CABCOCO1: variants seen among roughly 807,000 people sequenced by gnomAD.
CABCOCO1 encodes ciliary associated calcium binding coiled-coil 1.
CABCOCO1 carries 28 observed loss-of-function variants against 35.7 expected under a neutral mutation model. That is an observed-to-expected ratio of 0.78 (90% CI 0.58 to 1.07). The LOEUF is 1.07. Among genes scored for constraint, CABCOCO1 ranks in the 50% least tolerant of loss-of-function variants. CABCOCO1 has a pLI of 0.00. For missense variants in CABCOCO1, 326 were observed against 309.2 expected (o/e 1.05, Z -0.41); for synonymous variants, 95 against 100.1 (o/e 0.95, Z 0.30).
chr10:61,724,552 T>C (rs573076815), intron 5 of CABCOCO1, among the ~76,000 whole-genome samples: 6 of 152,320 alleles, frequency 3.9e-5, no homozygotes, highest in African/African-American at 1.4e-4. Context: ...CTCCCATATC[T>C]AAAACTTAGA....
chr10:61,729,926 G>A (rs899738239), intron 5 of CABCOCO1, among the ~76,000 whole-genome samples: 6 of 152,072 alleles, frequency 3.9e-5, no homozygotes, highest in Non-Finnish European at 8.8e-5. Flanking sequence ...AGCGGGGAGA[G>A]GAAAATGGGG....
intron 5 of CABCOCO1, among the ~76,000 whole-genome samples, chr10:61,701,316 A>C (rs1840452619): frequency 6.6e-6 from 1 of 152,146 alleles, no homozygotes; most frequent in Non-Finnish European, 1.5e-5. Context: ...ACATTATAAA[A>C]ATGTCTGTTT....
At chr10:61,688,727 C>G (rs1412172949) in intron 4 of CABCOCO1, among the ~76,000 whole-genome samples, 9 of 152,192 alleles carry the variant, frequency 5.9e-5, no homozygotes, top group Non-Finnish European at 1.3e-4. Context: ...TATTGCACTT[C>G]CAGGCATCAA....
Position 61,753,226 on chromosome 10 carries a change from G to A in CABCOCO1, c.553-6833G>A, listed in dbSNP as rs186523452. On this transcript the variant is annotated intron_variant, in intron 5 of 7. Transcript: ENST00000648843. ...TAAACACCTCAATTTTAAATAGAAC[G>A]CTCTAGAAGAAACTAACCAAAAATC... 1.1e-3 allele frequency among the ~76,000 whole-genome samples: 173 copies of A among 151,960 alleles called. 1 individual carries two copies. The highest frequency in any genetic ancestry group is 3.9e-3 in the African/African-American group (163 of 41,464).
At chr10:61,745,702 G>C (rs186752154) in intron 5 of CABCOCO1, among the ~76,000 whole-genome samples, 5 of 152,294 alleles carry the variant, frequency 3.3e-5, no homozygotes, top group African/African-American at 1.2e-4. Flanking sequence ...AAACACAAGA[G>C]ACTCTTCTTT....
chr10:61,704,245 A>C (rs1428011640), intron 5 of CABCOCO1, among the ~76,000 whole-genome samples: 4 of 152,156 alleles, frequency 2.6e-5, no homozygotes, highest in Non-Finnish European at 4.4e-5. Flanking sequence ...ATATATGCCC[A>C]AATTCTTCCA....
intron 3 of CABCOCO1, among the ~76,000 whole-genome samples, chr10:61,683,803 T>C (rs1564534206): frequency 6.6e-6 from 1 of 152,170 alleles, no homozygotes; most frequent in Non-Finnish European, 1.5e-5. Context: ...GTTAGATAAA[T>C]GAAATTATTA....
chr10:61,684,630 C>T (rs1052590649), intron 3 of CABCOCO1, among the ~76,000 whole-genome samples: 2 of 152,154 alleles, frequency 1.3e-5, no homozygotes, highest in Non-Finnish European at 2.9e-5. Context: ...CCCCCAGATC[C>T]CACATTCAGG....
intron 1 of CABCOCO1, among the ~76,000 whole-genome samples, chr10:61,668,100 A>G (rs779739974): frequency 1.3e-5 from 2 of 151,762 alleles, no homozygotes; most frequent in African/African-American, 2.4e-5. Flanking sequence ...TTATATATTT[A>G]AATAATCATA....
intron 5 of CABCOCO1, among the ~76,000 whole-genome samples, chr10:61,717,743 C>T (rs868460595): frequency 1.3e-5 from 2 of 152,078 alleles, no homozygotes; most frequent in Admixed American, 6.5e-5. Context: ...GGAATCACTT[C>T]GGAATATAAC....
At chr10:61,727,919 T>G (rs1252298426) in intron 5 of CABCOCO1, among the ~76,000 whole-genome samples, 1 of 152,192 alleles carries the variant, frequency 6.6e-6, no homozygotes, top group Non-Finnish European at 1.5e-5. Flanking sequence ...AGTATAATTA[T>G]GGAATATGTT....
At position 61,662,957 on chromosome 10, in the gene CABCOCO1, G is replaced by C. The variant is rs886244771; in HGVS notation, c.-16G>C. ...TAGGTGACGAGGGGCCGCTTCTCTC[G>C]GCCGAGATTGCGGCGATGTCGCAGG... is the stretch of plus-strand genomic sequence containing the variant. On this transcript the variant is annotated 5_prime_UTR_variant, in exon 1 of 8. Transcript: ENST00000648843. The C allele has an allele frequency of 7.1e-5, 28 of 393,392 alleles. No homozygotes were observed. Among genetic ancestry groups the C allele is most frequent in the Non-Finnish European group, 1.3e-4 (25 of 187,920 alleles). 24.4% of individuals were successfully genotyped at this position (393,392 alleles called of 1,614,324 possible).
chr10:61,761,764 G>T (rs535408511), intron 7 of CABCOCO1, among the ~76,000 whole-genome samples: 43 of 152,234 alleles, frequency 2.8e-4, no homozygotes, highest in Non-Finnish European at 5.4e-4. Context: ...AGAAGATTTA[G>T]TTGTCATCTG....
Position 61,674,271 on chromosome 10 carries a change from C to T in CABCOCO1, c.164+1536C>T, listed in dbSNP as rs146199868. Among the ~76,000 whole-genome samples the T allele has an allele frequency of 5.6e-3, 845 of 151,980 alleles. 9 individuals are homozygous for T. Among genetic ancestry groups the T allele is most frequent in the Middle Eastern group, 0.045 (13 of 292 alleles). ...TATTTTTAATCTTTAGGTGGTAAGG[C>T]CTAGGATACAGTAAGTGATACAGAA... is the stretch of plus-strand genomic sequence containing the variant. On this transcript the variant is annotated intron_variant, in intron 2 of 7. Coordinates refer to ENST00000648843, the MANE Select transcript of CABCOCO1 (RefSeq NM_001366906.2).
At chr10:61,734,778 G>A (rs1021104639) in intron 5 of CABCOCO1, among the ~76,000 whole-genome samples, 7 of 152,064 alleles carry the variant, frequency 4.6e-5, no homozygotes, top group Non-Finnish European at 1.0e-4. Flanking sequence ...AAGAGATTGT[G>A]AGTGAGCTCA....
chr10:61,720,805 C>T (rs575466340), intron 5 of CABCOCO1, among the ~76,000 whole-genome samples: 2 of 151,954 alleles, frequency 1.3e-5, no homozygotes, highest in Admixed American at 6.6e-5. Flanking sequence ...TAGCGGTGAA[C>T]CTCCATGGGC....
intron 5 of CABCOCO1, among the ~76,000 whole-genome samples, chr10:61,725,059 T>C (rs1036773286): frequency 3.9e-5 from 6 of 152,226 alleles, no homozygotes; most frequent in Admixed American, 2.0e-4. Flanking sequence ...ATTTTACTGT[T>C]GTAGTGTTTT....
At chr10:61,728,967 G>A (rs1459903548) in intron 5 of CABCOCO1, among the ~76,000 whole-genome samples, 3 of 152,078 alleles carry the variant, frequency 2.0e-5, no homozygotes, top group African/African-American at 7.2e-5. Context: ...ACATGTGGGG[G>A]GAACTGGGCA....
chr10:61,725,827 G>T (rs929667250), intron 5 of CABCOCO1, among the ~76,000 whole-genome samples: 1 of 152,070 alleles, frequency 6.6e-6, no homozygotes, highest in Non-Finnish European at 1.5e-5. Context: ...TATCTACAAT[G>T]TCGAGTGGAT....
Sources: gnomAD v4.1 joint callset for allele counts (sites outside exome capture counted in the v4.1 genomes callset) on GRCh38, gnomAD v4.1.1 for gene constraint, MANE v1.5 for transcripts, NCBI Gene and HGNC (gene_info 2026-07-23, HGNC 2026-07-21) for gene names.